HSD17B12: variants seen among roughly 807,000 people sequenced by gnomAD.
The protein encoded by HSD17B12 is very-long-chain 3-oxoacyl-CoA reductase.
In HSD17B12, 32 loss-of-function variants were observed where a neutral mutation model predicts 39.3. The observed-to-expected ratio is 0.81, with a 90% CI of 0.61 to 1.09. The LOEUF (loss-of-function observed/expected upper bound fraction) is 1.09, where lower values mean the gene tolerates loss of function less well. Ranked by LOEUF, HSD17B12 falls within the 50% of genes least tolerant of loss-of-function variation. The pLI, the probability that HSD17B12 is intolerant of heterozygous loss-of-function variation, is 0.00. For missense variants in HSD17B12, 342 were observed against 382.9 expected (o/e 0.89, Z 0.89); for synonymous variants, 150 against 146.7 (o/e 1.02, Z -0.16).
the HSD17B12 span, among the ~76,000 whole-genome samples, chr11:43,632,363 A>G: frequency 6.6e-6 from 1 of 152,246 alleles, no homozygotes; most frequent in Non-Finnish European, 1.5e-5. Context: ...AGCTCCTGAC[A>G]TCCTGTTTCC....
At chr11:43,616,425 C>CAAAA in the HSD17B12 span, among the ~76,000 whole-genome samples, 4 of 62,432 alleles carry the variant, frequency 6.4e-5, no homozygotes, top group Non-Finnish European at 1.3e-4. Context: ...AAACAAAAAA[C>CAAAA]AAAAAAAAAA....
intron 1 of HSD17B12, among the ~76,000 whole-genome samples, chr11:43,711,570 G>A (rs1297601102): frequency 6.6e-6 from 1 of 151,516 alleles, no homozygotes; most frequent in Non-Finnish European, 1.5e-5. Flanking sequence ...AGCCTCCCGG[G>A]CTTAAGTGAT....
At chr11:43,785,275 A>G (rs190389875) in intron 3 of HSD17B12, among the ~76,000 whole-genome samples, 1 of 152,224 alleles carries the variant, frequency 6.6e-6, no homozygotes, top group Non-Finnish European at 1.5e-5. Context: ...AAGGGGGATA[A>G]CAACAACAAA....
chr11:43,725,412 A>G (rs909255275), intron 1 of HSD17B12, among the ~76,000 whole-genome samples: 12 of 152,244 alleles, frequency 7.9e-5, no homozygotes, highest in Non-Finnish European at 1.8e-4. Flanking sequence ...AGTAATAACA[A>G]TGATGGGGAT....
At chr11:43,665,996 G>T in the HSD17B12 span, among the ~76,000 whole-genome samples, 1 of 152,204 alleles carries the variant, frequency 6.6e-6, no homozygotes, top group African/African-American at 2.4e-5. Flanking sequence ...TTTTATGGTT[G>T]TATGTGGTTA....
chr11:43,754,299 G>A (rs1468335432), intron 3 of HSD17B12, 178 bp downstream of exon 3: 4 of 565,172 alleles, frequency 7.1e-6, no homozygotes, highest in Admixed American at 6.7e-5. Flanking sequence ...TAGGCTGGGT[G>A]CGGTGGCTCA....
chr11:43,627,576 T>A, the HSD17B12 span, among the ~76,000 whole-genome samples: 2 of 152,016 alleles, frequency 1.3e-5, no homozygotes, highest in Admixed American at 1.3e-4. Context: ...TTAAATTGTT[T>A]TTATTTCTAA....
chr11:43,804,846 A>G (rs1951003801), intron 4 of HSD17B12, among the ~76,000 whole-genome samples: 1 of 152,210 alleles, frequency 6.6e-6, no homozygotes, highest in Non-Finnish European at 1.5e-5. Context: ...TTACATTTTC[A>G]AAGTTTCTTA....
chr11:43,563,459 G>T, the HSD17B12 span, among the ~76,000 whole-genome samples: 1 of 152,194 alleles, frequency 6.6e-6, no homozygotes. Context: ...CCCATGAGTT[G>T]ATGTGAATGT....
chr11:43,559,109 T>C, the HSD17B12 span, among the ~76,000 whole-genome samples: 22 of 152,318 alleles, frequency 1.4e-4, no homozygotes, highest in Non-Finnish European at 2.5e-4. Context: ...AGAAGGGGGA[T>C]GGAGAGTCTT....
At chr11:43,798,841 A>G (rs185313618) in intron 4 of HSD17B12, among the ~76,000 whole-genome samples, 20 of 152,320 alleles carry the variant, frequency 1.3e-4, no homozygotes, top group African/African-American at 4.3e-4. Flanking sequence ...ATGCCTACAC[A>G]TCACTTCATT....
intron 7 of HSD17B12, among the ~76,000 whole-genome samples, chr11:43,835,867 C>T (rs774081947): frequency 3.9e-5 from 6 of 152,030 alleles, no homozygotes; most frequent in Admixed American, 6.6e-5. Flanking sequence ...AGGATGACTG[C>T]ATGAATGTGA....
At chr11:43,817,350 A>G (rs925798427) in intron 6 of HSD17B12, among the ~76,000 whole-genome samples, 2 of 152,114 alleles carry the variant, frequency 1.3e-5, no homozygotes, top group Admixed American at 1.3e-4. Context: ...TAGTTTAATG[A>G]ATGAGTCCTA....
At chr11:43,743,771 G>T (rs1266697352) in intron 1 of HSD17B12, among the ~76,000 whole-genome samples, 1 of 152,194 alleles carries the variant, frequency 6.6e-6, no homozygotes, top group Non-Finnish European at 1.5e-5. Context: ...GAGGGTCACA[G>T]TGTAATCACC....
chr11:43,702,850 G>A (rs979176177), intron 1 of HSD17B12, among the ~76,000 whole-genome samples: 1 of 152,046 alleles, frequency 6.6e-6, no homozygotes, highest in Admixed American at 6.5e-5. Context: ...TATTGTTAAT[G>A]TTAGTGTATT....
upstream of HSD17B12, chr11:43,680,702 TA>T: frequency 2.3e-6 from 2 of 864,674 alleles, no homozygotes; most frequent in Non-Finnish European, 3.9e-6. Flanking sequence ...GGGCGGGGTT[TA>T]GGCCCAAAGT....
At chr11:43,725,847 C>T (rs1302053702) in intron 1 of HSD17B12, among the ~76,000 whole-genome samples, 1 of 152,026 alleles carries the variant, frequency 6.6e-6, no homozygotes, top group Non-Finnish European at 1.5e-5. Flanking sequence ...GAGAGAAAGA[C>T]ACAACAGAGG....
At chr11:43,813,493 C>A (rs1951092113) in intron 4 of HSD17B12, among the ~76,000 whole-genome samples, 1 of 151,870 alleles carries the variant, frequency 6.6e-6, no homozygotes, top group Admixed American at 6.6e-5. Context: ...CTTGGCAAAG[C>A]CTTTCCTGGA....
At chr11:43,726,732 T>C (rs541091962) in intron 1 of HSD17B12, among the ~76,000 whole-genome samples, 1 of 152,330 alleles carries the variant, frequency 6.6e-6, no homozygotes, top group East Asian at 1.9e-4. Context: ...AAATAGTTCT[T>C]ATAGAACAAA....
Sources: gnomAD v4.1 joint callset for allele counts (sites outside exome capture counted in the v4.1 genomes callset) on GRCh38, gnomAD v4.1.1 for gene constraint, MANE v1.5 for transcripts, NCBI Gene and HGNC (gene_info 2026-07-23, HGNC 2026-07-21) for gene names.